Variants in ZNF251 observed in about 807,000 individuals in gnomAD.
ZNF251 encodes zinc finger protein 251.
A neutral mutation model predicts 13.5 loss-of-function variants in ZNF251; 14 were observed. That is an observed-to-expected ratio of 1.04 (90% CI 0.69 to 1.63). ZNF251 has a LOEUF of 1.63. Among genes scored for constraint, ZNF251 ranks in the 40% most tolerant of loss-of-function variants. The pLI, the probability that ZNF251 is intolerant of heterozygous loss-of-function variation, is 0.00. For missense variants in ZNF251, 764 were observed against 834.9 expected (o/e 0.92, Z 1.05); for synonymous variants, 287 against 295.2 (o/e 0.97, Z 0.28).
At chr8:144,754,525 C>G in intron 2 of ZNF251, 171 bp downstream of exon 2, 3 of 1,449,476 alleles carry the variant, frequency 2.1e-6, no homozygotes, top group Non-Finnish European at 2.7e-6. Flanking sequence ...GAGCTCAGAG[C>G]CCCTCTCCCT....
chr8:144,747,971 G>A (rs907734494), intron 4 of ZNF251, among the ~76,000 whole-genome samples: 2 of 152,180 alleles, frequency 1.3e-5, no homozygotes, highest in Admixed American at 1.3e-4. Flanking sequence ...GCGCAGTGAC[G>A]TGATCATAGC....
intron 4 of ZNF251, among the ~76,000 whole-genome samples, chr8:144,747,172 T>C (rs1824467471): frequency 6.6e-6 from 1 of 152,234 alleles, no homozygotes; most frequent in South Asian, 2.1e-4. Context: ...TCATTTTCAC[T>C]TAATTCAAAA....
chr8:144,745,398 T>G (rs1472777760), intron 4 of ZNF251, among the ~76,000 whole-genome samples: 1 of 152,142 alleles, frequency 6.6e-6, no homozygotes, highest in African/African-American at 2.4e-5. Flanking sequence ...TTGATTACTG[T>G]GGCTTTATAG....
At chr8:144,745,271 G>C (rs1824368860) in intron 4 of ZNF251, among the ~76,000 whole-genome samples, 1 of 150,786 alleles carries the variant, frequency 6.6e-6, no homozygotes, top group South Asian at 2.1e-4. Context: ...CTACATTGAG[G>C]TGTGTTTGTT....
At chr8:144,747,258 G>A (rs181093690) in intron 4 of ZNF251, among the ~76,000 whole-genome samples, 11 of 152,214 alleles carry the variant, frequency 7.2e-5, no homozygotes, top group African/African-American at 2.6e-4. Context: ...AGTACTTTAG[G>A]ATTTTCTAGC....
In ZNF251 at chr8:144,754,872, A is replaced by G; in HGVS notation, c.-75-69T>C. ...TGTGGAAGGATGGCCAGGAGGCAGAAGCTGATTGCTGCTGTGGCCTCCTGG... is the reference window on the plus strand; with the variant it reads ...TGTGGAAGGATGGCCAGGAGGCAGAGGCTGATTGCTGCTGTGGCCTCCTGG... On this transcript the variant is annotated intron_variant, in intron 1 of 4. Transcript: ENST00000292562. 6 of 1,470,464 alleles carry G rather than the reference A, an allele frequency of 4.1e-6. No individual in the cohort carries two copies. The South Asian group carries it at 7.1e-5, about 17-fold the overall frequency. 91.1% of individuals were successfully genotyped at this position (1,470,464 alleles called of 1,614,324 possible). A position where few individuals can be genotyped will look rare whatever the true frequency, so the allele number is the denominator to read the frequency against.
At chr8:144,726,643 G>A (rs1823525528) in intron 4 of ZNF251, among the ~76,000 whole-genome samples, 1 of 152,104 alleles carries the variant, frequency 6.6e-6, no homozygotes, top group African/African-American at 2.4e-5. Context: ...GGCCGAGGCG[G>A]GTGGATCACA....
intron 4 of ZNF251, among the ~76,000 whole-genome samples, chr8:144,732,186 G>A (rs1001427934): frequency 1.3e-5 from 2 of 152,008 alleles, no homozygotes; most frequent in Non-Finnish European, 2.9e-5. Flanking sequence ...CAAGTGATCC[G>A]CCCACCTCAG....
At chr8:144,755,251 G>A in intron 1 of ZNF251, 154 bp downstream of exon 1, 2 of 1,174,868 alleles carry the variant, frequency 1.7e-6, no homozygotes, top group Non-Finnish European at 2.1e-6. Context: ...CCGCGCCGCG[G>A]TCGCCTCCTC....
At chr8:144,752,790 G>A (rs184200045) in intron 4 of ZNF251, among the ~76,000 whole-genome samples, 3 of 152,230 alleles carry the variant, frequency 2.0e-5, no homozygotes, top group Admixed American at 2.0e-4. Context: ...GCGGATATGA[G>A]TTGTAAAGTG....
At chr8:144,754,663 T>C (rs1201102904) in intron 2 of ZNF251, 33 bp downstream of exon 2, 4 of 1,590,598 alleles carry the variant, frequency 2.5e-6, no homozygotes, top group Middle Eastern at 1.7e-4. Flanking sequence ...GGGATGAAGA[T>C]GAAGAGGTGG....
chr8:144,742,344 A>C (rs1041459133), intron 4 of ZNF251, among the ~76,000 whole-genome samples: 4 of 152,172 alleles, frequency 2.6e-5, no homozygotes, highest in Admixed American at 6.5e-5. Context: ...AACTCAGATC[A>C]TCAGAAAGGG....
At chr8:144,732,743 C>T (rs575375862) in intron 4 of ZNF251, among the ~76,000 whole-genome samples, 15 of 147,304 alleles carry the variant, frequency 1.0e-4, no homozygotes, top group East Asian at 4.1e-4. Context: ...ACCCGGGAGG[C>T]GGAGCTTGCA....
In ZNF251 at chr8:144,737,150, G is replaced by A. The variant is rs1823934011; in HGVS notation, c.278-13768C>T. 2.6e-5 allele frequency among the ~76,000 whole-genome samples: 4 copies of A among 151,986 alleles called. 1 individual carries two copies. The South Asian group carries it at 8.3e-4, about 32-fold the overall frequency. The stretch of plus-strand genomic sequence containing the variant: ...GTCTTGCTCTGTTGCCCAGGCTGGA[G>A]TACAGTGGATGATCTCAGCTCATGG... On this transcript the variant is annotated intron_variant, in intron 4 of 4. Transcript: ENST00000292562.
At chr8:144,755,360 C>G (rs774212675) in intron 1 of ZNF251, 45 bp downstream of exon 1, 1 of 1,285,030 alleles carries the variant, frequency 7.8e-7, no homozygotes, top group African/African-American at 1.5e-5. Flanking sequence ...CCCTCCCCGC[C>G]TGCCTGCCCG....
At chr8:144,723,861 G>C (rs1823440311) in intron 4 of ZNF251, among the ~76,000 whole-genome samples, 1 of 152,184 alleles carries the variant, frequency 6.6e-6, no homozygotes, top group Admixed American at 6.5e-5. Context: ...GCTGAAACCT[G>C]ACAAAAGAAG....
chr8:144,739,894 CA>C (rs879266037), intron 4 of ZNF251, among the ~76,000 whole-genome samples: 4,912 of 127,982 alleles, frequency 0.038, 225 homozygotes, highest in African/African-American at 0.12. Flanking sequence ...GGCTCTGTTT[CA>C]AAAAAAAAAA....
At chr8:144,744,778 G>C (rs956406716) in intron 4 of ZNF251, among the ~76,000 whole-genome samples, 1 of 152,068 alleles carries the variant, frequency 6.6e-6, no homozygotes, top group Non-Finnish European at 1.5e-5. Flanking sequence ...AAATAAGGCC[G>C]GGCGCAGTGG....
intron 4 of ZNF251, among the ~76,000 whole-genome samples, chr8:144,728,768 C>G (rs1339643742): frequency 6.6e-6 from 1 of 151,478 alleles, no homozygotes; most frequent in Non-Finnish European, 1.5e-5. Flanking sequence ...TTGCTCAACA[C>G]AAGGTCGTCA....
Sources: allele counts gnomAD v4.1 joint callset (sites outside exome capture counted in the v4.1 genomes callset), GRCh38; gene constraint gnomAD v4.1.1; transcripts MANE v1.5; gene names NCBI Gene and HGNC (gene_info 2026-07-23, HGNC 2026-07-21).